Variants in ADAMTS3 observed in about 807,000 individuals in gnomAD.
ADAMTS3 encodes the protein A disintegrin and metalloproteinase with thrombospondin motifs 3.
A neutral mutation model predicts 129.0 loss-of-function variants in ADAMTS3; 73 were observed. The ratio of observed to expected loss-of-function variants is 0.57; its 90% CI spans 0.47 to 0.69. ADAMTS3 has a LOEUF of 0.69. Ranked by LOEUF, ADAMTS3 falls within the 30% of genes least tolerant of loss-of-function variation. ADAMTS3 has a pLI of 0.00. For missense variants in ADAMTS3, 1,457 were observed against 1,514.5 expected, an observed-to-expected ratio of 0.96 and a Z score of 0.63; for synonymous variants, 477 against 510.8, an observed-to-expected ratio of 0.93 and a Z score of 0.89.
intron 17 of ADAMTS3, among the ~76,000 whole-genome samples, chr4:72,303,058 C>T (rs1448969122): frequency 1.3e-5 from 2 of 152,146 alleles, no homozygotes; most frequent in Admixed American, 6.5e-5. Flanking sequence ...TAGGAAACTA[C>T]ATCCAACATC....
chr4:72,445,347 G>T (rs2109964372), intron 3 of ADAMTS3, among the ~76,000 whole-genome samples: 1 of 151,758 alleles, frequency 6.6e-6, no homozygotes, highest in African/African-American at 2.4e-5. Context: ...AACTGGGAGA[G>T]AAAACTCTTC....
chr4:72,445,980 T>C (rs1282531648), intron 3 of ADAMTS3, among the ~76,000 whole-genome samples: 1 of 151,662 alleles, frequency 6.6e-6, no homozygotes, highest in Non-Finnish European at 1.5e-5. Context: ...GAGCTGCAAG[T>C]AACAGAAGAG....
intron 2 of ADAMTS3, among the ~76,000 whole-genome samples, chr4:72,554,572 C>A (rs745507561): frequency 1.8e-4 from 27 of 151,950 alleles, no homozygotes; most frequent in Non-Finnish European, 3.2e-4. Flanking sequence ...TGCTGATTCT[C>A]CCAAATCAGG....
chr4:72,430,478 G>C (rs568629516), intron 3 of ADAMTS3, among the ~76,000 whole-genome samples: 74 of 152,032 alleles, frequency 4.9e-4, no homozygotes, highest in Non-Finnish European at 9.6e-4. Flanking sequence ...GAAGCCTCCA[G>C]AGAGCCCCCA....
intron 2 of ADAMTS3, among the ~76,000 whole-genome samples, chr4:72,563,079 G>C (rs1330276059): frequency 6.6e-6 from 1 of 152,112 alleles, no homozygotes; most frequent in Non-Finnish European, 1.5e-5. Context: ...GGAAGCAGAG[G>C]CGACCTTGAG....
intron 4 of ADAMTS3, 62 bp from the exon 5 acceptor site, chr4:72,339,755 T>C: frequency 7.2e-7 from 1 of 1,384,916 alleles, no homozygotes; most frequent in South Asian, 1.2e-5. Flanking sequence ...CAATCACTTC[T>C]TAGAAAAAAA....
intron 3 of ADAMTS3, among the ~76,000 whole-genome samples, chr4:72,517,464 C>A (rs1433883298): frequency 3.3e-5 from 5 of 152,246 alleles, no homozygotes; most frequent in Middle Eastern, 3.4e-3. Context: ...TCCATCTGGT[C>A]CTGGACTCTT....
chr4:72,470,234 C>T (rs978616978), intron 3 of ADAMTS3, among the ~76,000 whole-genome samples: 16 of 151,808 alleles, frequency 1.1e-4, no homozygotes, highest in Non-Finnish European at 2.2e-4. Context: ...CTTACTTGGT[C>T]ATGGGCAAAA....
At chr4:72,497,492 G>A (rs1719899787) in intron 3 of ADAMTS3, among the ~76,000 whole-genome samples, 1 of 151,364 alleles carries the variant, frequency 6.6e-6, no homozygotes, top group South Asian at 2.1e-4. Context: ...GAGACATCAA[G>A]GAGAGTCTTT....
chr4:72,531,002 C>G (rs1349124043), intron 3 of ADAMTS3, among the ~76,000 whole-genome samples: 1 of 150,630 alleles, frequency 6.6e-6, no homozygotes, highest in Non-Finnish European at 1.5e-5. Context: ...CCACTGAAAT[C>G]TTGTAAACAG....
rs568584893 is a variant in ADAMTS3 at position 72,282,950 on chromosome 4, G to A, written c.*186C>T. ...TCTTCCAATGAATTCTGGTAAATGA[G>A]TCAATGCAGAACAAAAGGAGGATGA... On this transcript the variant is annotated 3_prime_UTR_variant, in exon 22 of 22. Coordinates refer to ENST00000286657, the MANE Select transcript of ADAMTS3 (RefSeq NM_014243.3). The A allele has an allele frequency of 2.0e-6, 1 of 511,358 alleles. No individual in the cohort carries two copies. The highest frequency in any genetic ancestry group is 3.4e-6 in the Non-Finnish European group (1 of 290,288). The allele number at this position is 511,358 out of a possible 1,614,324, so 31.7% of individuals were successfully genotyped here. A position where few individuals can be genotyped will look rare whatever the true frequency, so the allele number is the denominator to read the frequency against.
intron 3 of ADAMTS3, among the ~76,000 whole-genome samples, chr4:72,506,829 TC>T (rs1720171515): frequency 6.6e-6 from 1 of 152,186 alleles, no homozygotes; most frequent in Non-Finnish European, 1.5e-5. Flanking sequence ...GCCCACATTT[TC>T]CCCCACCAGG....
chr4:72,382,032 A>G (rs1273911055), intron 4 of ADAMTS3, among the ~76,000 whole-genome samples: 2 of 152,120 alleles, frequency 1.3e-5, no homozygotes, highest in Non-Finnish European at 2.9e-5. Context: ...GCGAAGTGCT[A>G]TGGTGGCAGT....
chr4:72,434,551 C>A (rs933828964), intron 3 of ADAMTS3, among the ~76,000 whole-genome samples: 1 of 151,780 alleles, frequency 6.6e-6, no homozygotes, highest in African/African-American at 2.4e-5. Flanking sequence ...GTGGCCCCCC[C>A]AAATTCCTAT....
At chr4:72,495,145 C>T (rs551384852) in intron 3 of ADAMTS3, among the ~76,000 whole-genome samples, 8 of 152,170 alleles carry the variant, frequency 5.3e-5, no homozygotes, top group South Asian at 2.1e-4. Flanking sequence ...TAAGCAGCCG[C>T]GAAGACAGGG....
intron 2 of ADAMTS3, among the ~76,000 whole-genome samples, chr4:72,560,606 G>T (rs1225778298): frequency 2.0e-5 from 3 of 152,148 alleles, no homozygotes; most frequent in Non-Finnish European, 2.9e-5. Flanking sequence ...AGCACCACAT[G>T]TTCTCACTCA....
intron 3 of ADAMTS3, among the ~76,000 whole-genome samples, chr4:72,477,349 C>T (rs1719267412): frequency 1.3e-5 from 2 of 152,144 alleles, no homozygotes; most frequent in South Asian, 4.1e-4. Flanking sequence ...GTCTCTCAGA[C>T]CACAGTGCAA....
chr4:72,303,573 T>G (rs1434272001), intron 17 of ADAMTS3, among the ~76,000 whole-genome samples: 1 of 151,886 alleles, frequency 6.6e-6, no homozygotes, highest in African/African-American at 2.4e-5. Context: ...TAAATGATAC[T>G]AGATGGAACG....
intron 3 of ADAMTS3, among the ~76,000 whole-genome samples, chr4:72,433,098 C>T (rs1722737359): frequency 6.6e-6 from 1 of 151,744 alleles, no homozygotes; most frequent in Non-Finnish European, 1.5e-5. Context: ...CTTTTTTTCC[C>T]GATAATCTTC....
Sources: gnomAD v4.1 joint callset for allele counts (sites outside exome capture counted in the v4.1 genomes callset) on GRCh38, gnomAD v4.1.1 for gene constraint, MANE v1.5 for transcripts, NCBI Gene and HGNC (gene_info 2026-07-23, HGNC 2026-07-21) for gene names.